The following IGF1R variants were observed in gnomAD, a reference collection of about 807,000 sequenced individuals.
The protein encoded by IGF1R is insulin like growth factor 1 receptor.
IGF1R carries 44 observed loss-of-function variants against 144.6 expected under a neutral mutation model. That is an observed-to-expected ratio of 0.30 (90% confidence interval 0.24 to 0.39). The LOEUF (loss-of-function observed/expected upper bound fraction) is 0.39, where lower values mean the gene tolerates loss of function less well. IGF1R is among the 10% of genes least tolerant of loss of function. The pLI, the probability that IGF1R is intolerant of heterozygous loss-of-function variation, is 1.00. For missense variants in IGF1R, 1,355 were observed against 1,833.7 expected, an observed-to-expected ratio of 0.74 and a Z score of 4.77; for synonymous variants, 795 against 722.8, an observed-to-expected ratio of 1.10 and a Z score of -1.60.
intron 1 of IGF1R, among the ~76,000 whole-genome samples, chr15:98,703,754 G>A (rs973804712): frequency 6.6e-6 from 1 of 152,236 alleles, no homozygotes; most frequent in Non-Finnish European, 1.5e-5. Context: ...AAGTGAAGCA[G>A]ATTCTTTCCT....
At chr15:98,771,077 G>A (rs564273089) in intron 2 of IGF1R, among the ~76,000 whole-genome samples, 1 of 152,218 alleles carries the variant, frequency 6.6e-6, no homozygotes, top group South Asian at 2.1e-4. Context: ...GGTGAGAGTT[G>A]GATTGTTGTT....
chr15:98,665,244 C>T (rs1256446437), intron 1 of IGF1R, among the ~76,000 whole-genome samples: 5 of 152,218 alleles, frequency 3.3e-5, no homozygotes, highest in Non-Finnish European at 4.4e-5. Context: ...AGCCACCGCG[C>T]CCGGCAGGAA....
At chr15:98,875,501 C>T (rs1567172795) in intron 2 of IGF1R, among the ~76,000 whole-genome samples, 1 of 151,406 alleles carries the variant, frequency 6.6e-6, no homozygotes, top group African/African-American at 2.4e-5. Flanking sequence ...CACACATTCT[C>T]GTGTCTGCAA....
At chr15:98,913,341 G>C in intron 8 of IGF1R, 59 bp downstream of exon 8, 1 of 1,314,340 alleles carries the variant, frequency 7.6e-7, no homozygotes, top group Non-Finnish European at 1.1e-6. Context: ...CACTGGCCTT[G>C]CTTGTACCAG....
chr15:98,942,866 G>A, intron 18 of IGF1R, 57 bp from the exon 19 acceptor site: 7 of 1,611,686 alleles, frequency 4.3e-6, no homozygotes, highest in Non-Finnish European at 5.1e-6. Flanking sequence ...GTCCTCTGCT[G>A]TGACAGCAGT....
At chr15:98,721,206 C>G (rs2054239471) in intron 2 of IGF1R, among the ~76,000 whole-genome samples, 1 of 152,188 alleles carries the variant, frequency 6.6e-6, no homozygotes, top group Non-Finnish European at 1.5e-5. Flanking sequence ...AGGACTCTTG[C>G]TTCCAGGTTG....
At chr15:98,799,044 T>C (rs914537855) in intron 2 of IGF1R, among the ~76,000 whole-genome samples, 1 of 152,120 alleles carries the variant, frequency 6.6e-6, no homozygotes, top group African/African-American at 2.4e-5. Context: ...TTCAGTTTTC[T>C]TTAGGGAAGG....
At chr15:98,716,639 T>G (rs1346416586) in intron 2 of IGF1R, among the ~76,000 whole-genome samples, 4 of 152,206 alleles carry the variant, frequency 2.6e-5, no homozygotes, top group African/African-American at 9.7e-5. Context: ...TGTAGAGCCC[T>G]GGTAAACGTT....
chr15:98,842,465 G>A (rs1027555001), intron 2 of IGF1R, among the ~76,000 whole-genome samples: 4 of 152,130 alleles, frequency 2.6e-5, no homozygotes, highest in African/African-American at 9.7e-5. Context: ...GTTTACCTGG[G>A]GCTCTAGACT....
At chr15:98,654,084 A>G (rs2052431137) in intron 1 of IGF1R, among the ~76,000 whole-genome samples, 1 of 152,222 alleles carries the variant, frequency 6.6e-6, no homozygotes, top group African/African-American at 2.4e-5. Context: ...GTTTTCAAGT[A>G]GACAGTAGTT....
In IGF1R at chr15:98,851,679, T is replaced by C. The variant is rs148566726; in HGVS notation, c.641-39646T>C. ...GGAAGTTTCCCCTGGCTGGGGGTCC[T>C]GTGAGGATGGAGAGGCCAGAATGAG... On this transcript the variant is annotated intron_variant, in intron 2 of 20. Coordinates refer to ENST00000650285, the MANE Select transcript of IGF1R (RefSeq NM_000875.5). Among the ~76,000 whole-genome samples the C allele has an allele frequency of 1.2e-4, 19 of 152,292 alleles. 2 individuals carry two copies. The East Asian group carries it at 3.7e-3, about 29-fold the overall frequency.
At chr15:98,942,887 C>T (rs1567213991) in intron 18 of IGF1R, 36 bp from the exon 19 acceptor site, 3 of 1,613,602 alleles carry the variant, frequency 1.9e-6, no homozygotes, top group East Asian at 2.2e-5. Context: ...GGTGCCTGCT[C>T]CAGCGTGTGA....
rs562481008 is a variant in IGF1R at position 98,668,886 on chromosome 15, C to T, written c.94+19211C>T. ...AGAAGACAGACTTACTGCTGCAGCCCGCTTCAGAGCCCTCAGTAGTACTTT... is the reference window on the plus strand; with the variant it reads ...AGAAGACAGACTTACTGCTGCAGCCTGCTTCAGAGCCCTCAGTAGTACTTT... On this transcript the variant is annotated intron_variant, in intron 1 of 20. Coordinates refer to ENST00000650285, the MANE Select transcript of IGF1R (RefSeq NM_000875.5). Among the ~76,000 whole-genome samples, 6 of 152,300 alleles carry T rather than the reference C, an allele frequency of 3.9e-5. No homozygotes were observed. The South Asian group carries it at 6.2e-4, about 16-fold the overall frequency.
intron 2 of IGF1R, among the ~76,000 whole-genome samples, chr15:98,810,554 C>CTTTTTTTTTTTTTTT (rs1289249437): frequency 7.2e-6 from 1 of 138,720 alleles, no homozygotes; most frequent in African/African-American, 2.6e-5. Context: ...CTTTTCTTTT[C>CTTTTTTTTTTTTTTT]TTTTTTTTTT....
rs199929812 is a variant in IGF1R at position 98,922,205 on chromosome 15, A to C, written c.2259A>C (p.Arg753=). 1.2e-6 allele frequency: 2 copies of C among 1,614,194 alleles called. No homozygotes were observed. The highest frequency in any genetic ancestry group is 8.5e-7 in the Non-Finnish European group (1 of 1,180,016). ...MQVANTTMSS[R]SRNTTAADTY... ...TGGCCAACACCACCATGTCCAGCCG[A>C]AGCAGGAACACCACGGCCGCAGACA... Residue 753 remains arginine, a synonymous_variant, in exon 11 of 21, where the codon CGA becomes CGC. Transcript: ENST00000650285.
chr15:98,795,413 G>GTTTTGTTTTGTTTTGTT (rs1305517375), intron 2 of IGF1R, among the ~76,000 whole-genome samples: 2 of 149,210 alleles, frequency 1.3e-5, no homozygotes, highest in Admixed American at 6.6e-5. Context: ...TTTTTGTTTT[G>GTTTTGTTTTGTTTTGTT]TTTTGTTTTG....
chr15:98,886,682 G>T (rs1393696444), intron 2 of IGF1R, among the ~76,000 whole-genome samples: 1 of 152,104 alleles, frequency 6.6e-6, no homozygotes, highest in Non-Finnish European at 1.5e-5. Flanking sequence ...TTTGGCGCTC[G>T]CATGGAACAG....
At position 98,891,644 on chromosome 15, in the gene IGF1R, C is replaced by T. The variant is rs1485226320; in HGVS notation, c.953+7C>T. The T allele has an allele frequency of 6.3e-6, 10 of 1,599,198 alleles. No homozygotes were observed. The highest frequency in any genetic ancestry group is 4.0e-5 in the African/African-American group (3 of 74,912). ...TCCGCAACGGCAGCCAGAGGTCAGT[C>T]GCGGCCACACGTGTGGTCACTACCC... On this transcript the variant is annotated splice_region_variant and intron_variant, in intron 3 of 20. Coordinates refer to ENST00000650285, the MANE Select transcript of IGF1R (RefSeq NM_000875.5). The surrounding 1 kb of genome is among the most constrained non-coding windows in gnomAD (Gnocchi z 4.7).
At chr15:98,661,982 T>TTTTTTTTTTTTTTTGG (rs2052612243) in intron 1 of IGF1R, among the ~76,000 whole-genome samples, 1 of 101,330 alleles carries the variant, frequency 9.9e-6, no homozygotes, top group Admixed American at 1.1e-4. Context: ...TTTTTTTTTT[T>TTTTTTTTTTTTTTTGG]GAGACAGTCT....
Sources: allele counts gnomAD v4.1 joint callset (sites outside exome capture counted in the v4.1 genomes callset), GRCh38; gene constraint gnomAD v4.1.1; non-coding constraint Gnocchi (gnomAD v3.1); transcripts MANE v1.5; gene names NCBI Gene and HGNC (gene_info 2026-07-23, HGNC 2026-07-21).